The following SFXN5 variants were observed in gnomAD, a reference collection of about 807,000 sequenced individuals.
The protein encoded by SFXN5 is sideroflexin-5.
SFXN5 carries 43 observed loss-of-function variants against 50.2 expected under a neutral mutation model. The ratio of observed to expected loss-of-function variants is 0.86; its 90% CI spans 0.67 to 1.11. SFXN5 has a LOEUF of 1.11. SFXN5 is among the 50% of genes least tolerant of loss of function. SFXN5 has a pLI of 0.00. For missense variants in SFXN5, 463 were observed against 454.1 expected, an observed-to-expected ratio of 1.02 and a Z score of -0.18; for synonymous variants, 203 against 185.8, an observed-to-expected ratio of 1.09 and a Z score of -0.75.
At chr2:73,050,587 C>T (rs533955490) in intron 2 of SFXN5, among the ~76,000 whole-genome samples, 1 of 152,250 alleles carries the variant, frequency 6.6e-6, no homozygotes, top group South Asian at 2.1e-4. Context: ...GCCCTGAAGT[C>T]CCACAGACAC....
chr2:73,030,268 G>T (rs1388517487), intron 3 of SFXN5, among the ~76,000 whole-genome samples: 1 of 152,164 alleles, frequency 6.6e-6, no homozygotes, highest in Non-Finnish European at 1.5e-5. Context: ...CCTTAGGCTT[G>T]TCATATATTT....
chr2:72,988,900 G>A lies in SFXN5; in HGVS notation c.535-552C>T, dbSNP rs182494809. Among the ~76,000 whole-genome samples, 1,041 of 152,052 alleles carry A rather than the reference G, an allele frequency of 6.8e-3. 11 individuals are homozygous for A. Among genetic ancestry groups the A allele is most frequent in the Middle Eastern group, 0.01 (3 of 294 alleles). On this transcript the variant is annotated intron_variant, in intron 9 of 13. Coordinates refer to ENST00000272433, the MANE Select transcript of SFXN5 (RefSeq NM_144579.3). Reference sequence around the variant, plus strand: ...CTCAGGGCAGGATGGAGGGTGAGGCGGATGTCCTGGACTCACTGTCATCGC... The same window carrying A: ...CTCAGGGCAGGATGGAGGGTGAGGCAGATGTCCTGGACTCACTGTCATCGC...
In SFXN5 at chr2:72,992,798, T is replaced by TG. The variant is rs2105615721; in HGVS notation, c.535-4451dup. Among the ~76,000 whole-genome samples, 1 of 152,268 alleles carries TG rather than the reference T, an allele frequency of 6.6e-6. No individual in the cohort carries two copies. Among genetic ancestry groups the TG allele is most frequent in the African/African-American group, 2.4e-5 (1 of 41,548 alleles). On this transcript the variant is annotated intron_variant, in intron 9 of 13. Coordinates refer to ENST00000272433, the MANE Select transcript of SFXN5 (RefSeq NM_144579.3). The surrounding 1 kb of genome is among the most constrained non-coding windows in gnomAD (Gnocchi z 4.5). ...CATCTGCTCTCTACAGCAGTCGGAG[T>TG]GAAGTCTGAAAACATGGCGACTTGC...
chr2:72,949,616 G>A (rs1011707157), intron 13 of SFXN5, among the ~76,000 whole-genome samples: 4 of 151,820 alleles, frequency 2.6e-5, no homozygotes, highest in Non-Finnish European at 5.9e-5. Flanking sequence ...GCCTTAGACT[G>A]TCTTAGAAAG....
intron 6 of SFXN5, among the ~76,000 whole-genome samples, chr2:73,009,294 G>A (rs1348712971): frequency 2.0e-5 from 3 of 152,258 alleles, no homozygotes; most frequent in African/African-American, 7.2e-5. Flanking sequence ...CAGGGCCTTG[G>A]AGAAGCTGAT....
chr2:72,991,462 G>A (rs932160211), intron 9 of SFXN5, among the ~76,000 whole-genome samples: 7 of 152,272 alleles, frequency 4.6e-5, no homozygotes, highest in Non-Finnish European at 8.8e-5. Context: ...AGCTCATGAG[G>A]AGTCAGTGAG....
intron 10 of SFXN5, among the ~76,000 whole-genome samples, chr2:72,976,609 C>G (rs1466308038): frequency 6.6e-6 from 1 of 152,022 alleles, no homozygotes; most frequent in Non-Finnish European, 1.5e-5. Flanking sequence ...GTGGTGGCCA[C>G]GATGCTGTGT....
chr2:72,974,951 G>T lies in SFXN5; in HGVS notation c.626-3266C>A, dbSNP rs145682131. ...ACACCAGCAAGATCTATTATTGATG[G>T]TATCAGCAGGTTAATTAAGCAGCCT... is the stretch of plus-strand genomic sequence containing the variant. On this transcript the variant is annotated intron_variant, in intron 10 of 13. Transcript: ENST00000272433. 9.2e-3 allele frequency among the ~76,000 whole-genome samples: 1,396 copies of T among 152,212 alleles called. 9 individuals carry two copies. Among genetic ancestry groups the T allele is most frequent in the Non-Finnish European group, 0.014 (923 of 68,008 alleles).
chr2:73,018,458 A>T (rs371355406), intron 6 of SFXN5, among the ~76,000 whole-genome samples: 7 of 151,968 alleles, frequency 4.6e-5, no homozygotes, highest in East Asian at 3.9e-4. Flanking sequence ...CCCACTGAAT[A>T]AAAAAAACCA....
At chr2:73,052,265 T>C (rs1390211861) in intron 2 of SFXN5, among the ~76,000 whole-genome samples, 3 of 152,002 alleles carry the variant, frequency 2.0e-5, no homozygotes, top group Non-Finnish European at 2.9e-5. Context: ...CATGTGTTCA[T>C]AGTTACTGTG....
chr2:73,004,476 ATT>A (rs1301783240), intron 6 of SFXN5, among the ~76,000 whole-genome samples: 2 of 152,138 alleles, frequency 1.3e-5, no homozygotes, highest in African/African-American at 4.8e-5. Flanking sequence ...AAGTTGATAA[ATT>A]TTAACATCCA....
At chr2:73,060,644 A>C (rs1434089954) in intron 1 of SFXN5, among the ~76,000 whole-genome samples, 1 of 152,088 alleles carries the variant, frequency 6.6e-6, no homozygotes, top group Non-Finnish European at 1.5e-5. Flanking sequence ...TGTTGTATCC[A>C]TGTTAAGTCT....
At chr2:73,071,244 G>C (rs545366914) in intron 1 of SFXN5, 1 of 245,762 alleles carries the variant, frequency 4.1e-6, no homozygotes, top group Non-Finnish European at 7.9e-6. Flanking sequence ...TTGCGTCCCG[G>C]GCGGGCAGCT....
At chr2:72,990,804 G>T (rs1672499467) in intron 9 of SFXN5, among the ~76,000 whole-genome samples, 1 of 152,182 alleles carries the variant, frequency 6.6e-6, no homozygotes, top group Non-Finnish European at 1.5e-5. Flanking sequence ...CCTGAGGGAG[G>T]GATGCTTTAA....
intron 2 of SFXN5, among the ~76,000 whole-genome samples, chr2:73,055,125 C>T (rs1681917338): frequency 6.6e-6 from 1 of 152,240 alleles, no homozygotes; most frequent in African/African-American, 2.4e-5. Context: ...CAGAGCTGGT[C>T]AACTCCAGGG....
chr2:72,995,592 G>A (rs981814771), intron 9 of SFXN5, among the ~76,000 whole-genome samples: 3 of 152,020 alleles, frequency 2.0e-5, no homozygotes, highest in African/African-American at 7.2e-5. Context: ...GCAGCCTGTC[G>A]GCCCCCATCC....
At chr2:73,071,357 C>G in intron 1 of SFXN5, 1 of 505,776 alleles carries the variant, frequency 2.0e-6, no homozygotes, top group Non-Finnish European at 3.5e-6. Context: ...GCGGGAAAGG[C>G]TAGAGGGCGC....
chr2:72,945,094 T>A lies in SFXN5; in HGVS notation c.951A>T (p.Glu317Asp). The A allele has an allele frequency of 6.2e-7, 1 of 1,613,866 alleles. No homozygotes were observed. Among genetic ancestry groups the A allele is most frequent in the Non-Finnish European group, 8.5e-7 (1 of 1,179,848 alleles). The change falls in exon 14 of 14, where the codon GAA becomes GAT. Residue 317 changes from glutamate to aspartate, a missense_variant. Coordinates refer to ENST00000272433, the MANE Select transcript of SFXN5 (RefSeq NM_144579.3). The surrounding 1 kb of genome is among the most constrained non-coding windows in gnomAD (Gnocchi z 5.8). Reference sequence around the variant, plus strand: ...CTATCTCCGGCTCTAATTGGGATGTTTCAATCTGTGGAGAGAGAACAGAGA... The same window carrying A: ...CTATCTCCGGCTCTAATTGGGATGTATCAATCTGTGGAGAGAGAACAGAGA... ...ISLFPQMSEI[E>D]TSQLEPEIAQ... is the part of the protein sequence containing the mutation.
chr2:73,018,288 A>C (rs1160825966), intron 6 of SFXN5, among the ~76,000 whole-genome samples: 2 of 152,058 alleles, frequency 1.3e-5, no homozygotes, highest in East Asian at 3.8e-4. Flanking sequence ...AAAAAAAAAG[A>C]GAAAGAGAAA....
Sources: gnomAD v4.1 joint callset for allele counts (sites outside exome capture counted in the v4.1 genomes callset) on GRCh38, gnomAD v4.1.1 for gene constraint, Gnocchi (gnomAD v3.1) non-coding constraint, MANE v1.5 for transcripts, NCBI Gene and HGNC (gene_info 2026-07-23, HGNC 2026-07-21) for gene names.